LCA5: variants seen among roughly 807,000 people sequenced by gnomAD.
LCA5 encodes lebercilin LCA5.
LCA5 carries 37 observed loss-of-function variants against 53.0 expected under a neutral mutation model. The observed-to-expected ratio is 0.70, with a 90% confidence interval of 0.54 to 0.92. LCA5 has a LOEUF of 0.92. Ranked by LOEUF, LCA5 falls within the 40% of genes least tolerant of loss-of-function variation. LCA5 has a pLI of 0.00. For synonymous variants in LCA5, 303 were observed against 282.9 expected (o/e 1.07, Z -0.71); for missense variants, 806 against 790.5 (o/e 1.02, Z -0.23).
chr6:79,522,306 G>T (rs1766647687), intron 1 of LCA5, among the ~76,000 whole-genome samples: 2 of 151,972 alleles, frequency 1.3e-5, no homozygotes, highest in Admixed American at 6.6e-5. Flanking sequence ...GATCATAAAT[G>T]GCTGTATTGC....
intron 1 of LCA5, among the ~76,000 whole-genome samples, chr6:79,528,045 A>G (rs1175650755): frequency 6.6e-6 from 1 of 152,348 alleles, no homozygotes. Context: ...CAAGCCCTCA[A>G]CAAGAGTAAC....
chr6:79,508,640 A>C (rs1209072612), intron 3 of LCA5, among the ~76,000 whole-genome samples: 1 of 151,476 alleles, frequency 6.6e-6, no homozygotes. Flanking sequence ...AAAAAAAAAA[A>C]CACCACCACA....
At position 79,487,385 on chromosome 6, in the gene LCA5, A is replaced by T; in HGVS notation, c.1713T>A (p.Ser571Arg). The change falls in exon 8 of 8, where the codon AGT becomes AGA. Residue 571 changes from serine (S) to arginine (R), a missense_variant. By Grantham distance (110) the Ser-to-Arg change is moderately radical. Coordinates refer to ENST00000369846, the MANE Select transcript of LCA5 (RefSeq NM_001122769.3). ...GGAAATCCAAAAAACTACTTTTTTG[A>T]CTAAATGGATTTGACCTCTCTGATG... is the stretch of plus-strand genomic sequence containing the variant. ...AKTSERSNPFSQKSSFLDFQR... is the reference protein window; with the variant it reads ...AKTSERSNPFRQKSSFLDFQR... The T allele has an allele frequency of 6.2e-7, 1 of 1,612,956 alleles. No homozygotes were observed. Among genetic ancestry groups the T allele is most frequent in the South Asian group, 1.1e-5 (1 of 90,910 alleles).
intron 2 of LCA5, among the ~76,000 whole-genome samples, chr6:79,517,733 A>C (rs1766480263): frequency 1.3e-5 from 2 of 152,228 alleles, no homozygotes; most frequent in Admixed American, 1.3e-4. Flanking sequence ...AGTTTTTAAT[A>C]AGCGAATATT....
chr6:79,538,763 AATGAAACCACCATTT>A (rs1767230586), upstream of LCA5, among the ~76,000 whole-genome samples: 1 of 152,238 alleles, frequency 6.6e-6, no homozygotes, highest in African/African-American at 2.4e-5. Flanking sequence ...GAGAGCTGAG[AATGAAACCACCATTT>A]ATTCAGCACT....
At chr6:79,522,652 AT>A (rs1255215509) in intron 1 of LCA5, among the ~76,000 whole-genome samples, 4 of 152,190 alleles carry the variant, frequency 2.6e-5, no homozygotes, top group Admixed American at 6.5e-5. Context: ...ATTACAATAA[AT>A]TGTATTAAAA....
chr6:79,488,430 T>C (rs1356578156), intron 7 of LCA5: 1 of 153,514 alleles, frequency 6.5e-6, no homozygotes, highest in Non-Finnish European at 1.4e-5. Flanking sequence ...CAAAAATCTC[T>C]AGATTAAAGA....
At chr6:79,521,665 C>G (rs576096957) in intron 1 of LCA5, among the ~76,000 whole-genome samples, 1 of 152,210 alleles carries the variant, frequency 6.6e-6, no homozygotes, top group African/African-American at 2.4e-5. Context: ...TTAAAAAAAA[C>G]TTCTTCACTT....
At chr6:79,490,892 T>G (rs914069168) in intron 6 of LCA5, among the ~76,000 whole-genome samples, 1 of 152,046 alleles carries the variant, frequency 6.6e-6, no homozygotes, top group African/African-American at 2.4e-5. Context: ...AGAAAGAGAC[T>G]TTCCAGTGAT....
chr6:79,506,998 A>G (rs1242312965), intron 3 of LCA5, among the ~76,000 whole-genome samples: 1 of 152,194 alleles, frequency 6.6e-6, no homozygotes, highest in Non-Finnish European at 1.5e-5. Context: ...GCAACTAACC[A>G]TTAAGAAATC....
At chr6:79,501,408 A>T (rs1483892540) in intron 3 of LCA5, among the ~76,000 whole-genome samples, 1 of 152,106 alleles carries the variant, frequency 6.6e-6, no homozygotes, top group Non-Finnish European at 1.5e-5. Flanking sequence ...GGTCAAATTC[A>T]CTGATAAATA....
chr6:79,511,759 T>C (rs1018664107), intron 3 of LCA5, among the ~76,000 whole-genome samples: 8 of 151,938 alleles, frequency 5.3e-5, no homozygotes, highest in Admixed American at 1.3e-4. Flanking sequence ...ACTTCCAATA[T>C]GAAAAAAAAT....
intron 6 of LCA5, among the ~76,000 whole-genome samples, chr6:79,490,751 G>A (rs984428428): frequency 6.6e-6 from 1 of 152,036 alleles, no homozygotes; most frequent in African/African-American, 2.4e-5. Flanking sequence ...TATACCTCAA[G>A]AAGAGACCTC....
chr6:79,513,293 T>C lies in LCA5; in HGVS notation c.639A>G (p.Arg213=), dbSNP rs777292909. ...LQKLKEISEA[R]HLPERDDLAK... Reference sequence around the variant, plus strand: ...CCAAATCATCTCGTTCAGGTAGGTGTCTAGCTTCAGAGATCTCTTTCAGTT... The same window carrying C: ...CCAAATCATCTCGTTCAGGTAGGTGCCTAGCTTCAGAGATCTCTTTCAGTT... The change falls in exon 3 of 8, where the codon AGA becomes AGG. Residue 213 remains arginine (R), a synonymous_variant. Coordinates refer to ENST00000369846, the MANE Select transcript of LCA5 (RefSeq NM_001122769.3). 2 of 1,613,704 alleles carry C rather than the reference T, an allele frequency of 1.2e-6. No individual in the cohort carries two copies. Among genetic ancestry groups the C allele is most frequent in the African/African-American group, 2.7e-5 (2 of 74,906 alleles).
chr6:79,498,172 TA>T (rs11301807), intron 3 of LCA5, among the ~76,000 whole-genome samples: 70,674 of 144,904 alleles, frequency 0.49, 17,607 homozygotes, highest in East Asian at 0.83. Flanking sequence ...CTCAAATAGC[TA>T]AAAAAAAAAA....
intron 3 of LCA5, 139 bp from the exon 4 acceptor site, chr6:79,493,889 A>C (rs1471580114): frequency 1.6e-6 from 1 of 626,150 alleles, no homozygotes; most frequent in African/African-American, 1.8e-5. Flanking sequence ...ATTCATGTAC[A>C]TAAGCTGGGA....
chr6:79,529,967 G>A, intron 1 of LCA5, among the ~76,000 whole-genome samples: 1 of 112,826 alleles, frequency 8.9e-6, no homozygotes, highest in Non-Finnish European at 1.7e-5. Context: ...GGGGTGGGGG[G>A]AGGGGGGAGG....
intron 3 of LCA5, among the ~76,000 whole-genome samples, chr6:79,498,276 C>A (rs1008518868): frequency 6.6e-6 from 1 of 151,748 alleles, no homozygotes; most frequent in African/African-American, 2.4e-5. Context: ...TAGCAACAGA[C>A]GAATCTGGGT....
intron 1 of LCA5, among the ~76,000 whole-genome samples, chr6:79,528,618 T>C (rs777717135): frequency 1.3e-5 from 2 of 152,186 alleles, no homozygotes; most frequent in African/African-American, 2.4e-5. Context: ...GGGAGATGCC[T>C]AATGAACTTA....
Sources: gnomAD v4.1 joint callset for allele counts (sites outside exome capture counted in the v4.1 genomes callset) on GRCh38, gnomAD v4.1.1 for gene constraint, MANE v1.5 for transcripts, NCBI Gene and HGNC (gene_info 2026-07-23, HGNC 2026-07-21) for gene names.